Variants in DNAH6 observed in about 807,000 individuals in gnomAD.
DNAH6 encodes the protein dynein axonemal heavy chain 6.
DNAH6 carries 340 observed loss-of-function variants against 491.4 expected under a neutral mutation model. The observed-to-expected ratio is 0.69, with a 90% confidence interval of 0.63 to 0.76. DNAH6 has a LOEUF of 0.76. DNAH6 is among the 30% of genes least tolerant of loss of function. The pLI is 0.00. For missense variants in DNAH6, 4,443 were observed against 4,972.2 expected, an observed-to-expected ratio of 0.89 and a Z score of 3.20; for synonymous variants, 1,603 against 1,686.1, an observed-to-expected ratio of 0.95 and a Z score of 1.21.
intron 64 of DNAH6, among the ~76,000 whole-genome samples, chr2:84,768,351 TAGAG>T (rs968170758): frequency 1.8e-4 from 28 of 151,710 alleles, no homozygotes; most frequent in Admixed American, 5.3e-4. Flanking sequence ...ACTGATTAAA[TAGAG>T]AGAGTCTAAA....
chr2:84,525,611 A>G lies in DNAH6; in HGVS notation c.272A>G (p.His91Arg), dbSNP rs1373716762. The change falls in exon 3 of 77, where the codon CAT becomes CGT. Residue 91 changes from histidine (H) to arginine (R), a missense_variant. His to Arg is a conservative substitution (Grantham distance 29). Transcript: ENST00000389394. ...YQDHKQPEYI[H>R]EQNRFQLMTA... Reference sequence around the variant, plus strand: ...GATCATAAGCAGCCAGAATACATACATGAACAGAACCGATTTCAGTTAATG... The same window carrying G: ...GATCATAAGCAGCCAGAATACATACGTGAACAGAACCGATTTCAGTTAATG... The G allele has an allele frequency of 2.6e-6, 4 of 1,550,288 alleles. No homozygotes were observed. In the Admixed American group the frequency reaches 5.9e-5, roughly 23 times the overall value.
rs74514752 is a variant in DNAH6 at position 84,699,632 on chromosome 2, G to A, written c.7716G>A (p.Leu2572=). 14,056 of 1,551,732 alleles carry A rather than the reference G, an allele frequency of 9.1e-3. 86 individuals are homozygous for A. Among genetic ancestry groups the A allele is most frequent in the Non-Finnish European group, 9.7e-3 (11,172 of 1,146,930 alleles). The change falls in exon 48 of 77, where the codon CTG becomes CTA. Residue 2572 remains leucine (L), a synonymous_variant. Coordinates refer to ENST00000389394, the MANE Select transcript of DNAH6 (RefSeq NM_001370.2). ...TTATCAGCAAAGTGCGTCAGAAGCT[G>A]CACATTGTTCTCTGCATGAGCCCAG... is the stretch of plus-strand genomic sequence containing the variant. The part of the protein sequence containing the change: ...QYFISKVRQK[L]HIVLCMSPVG...
chr2:84,813,595 T>C (rs568283891), intron 74 of DNAH6, among the ~76,000 whole-genome samples: 2 of 152,288 alleles, frequency 1.3e-5, no homozygotes, highest in South Asian at 4.1e-4. Context: ...AAGCCCTTCA[T>C]CTCTCTCATT....
the DNAH6 span, among the ~76,000 whole-genome samples, chr2:84,478,967 G>T: frequency 6.6e-6 from 1 of 152,108 alleles, no homozygotes; most frequent in South Asian, 2.1e-4. Context: ...GCTGTCCCCA[G>T]TTGGACTCCT....
intron 70 of DNAH6, among the ~76,000 whole-genome samples, chr2:84,800,200 A>G (rs987077180): frequency 1.3e-5 from 2 of 152,232 alleles, no homozygotes; most frequent in Non-Finnish European, 2.9e-5. Flanking sequence ...TTGATTGTAC[A>G]CAACATACAC....
At chr2:84,663,804 C>T (rs1691786834) in intron 37 of DNAH6, among the ~76,000 whole-genome samples, 3 of 152,026 alleles carry the variant, frequency 2.0e-5, no homozygotes, top group African/African-American at 7.3e-5. Flanking sequence ...GTCAGATTCA[C>T]CAAAGTTAAA....
intron 23 of DNAH6, 130 bp downstream of exon 23, chr2:84,617,112 T>C: frequency 1.8e-6 from 1 of 564,002 alleles, no homozygotes; most frequent in East Asian, 3.5e-5. Flanking sequence ...ATAATGAAAA[T>C]CCAACTAGTT....
intron 54 of DNAH6, among the ~76,000 whole-genome samples, chr2:84,708,625 T>G (rs1696740773): frequency 1.0e-4 from 14 of 135,062 alleles, no homozygotes; most frequent in East Asian, 4.6e-4. Flanking sequence ...GAGAGGGAGA[T>G]AGAGGAGAGG....
chr2:84,743,038 A>G (rs1672660626), intron 62 of DNAH6, among the ~76,000 whole-genome samples: 1 of 152,178 alleles, frequency 6.6e-6, no homozygotes. Flanking sequence ...GTTATGCACC[A>G]GTTAAATGAG....
chr2:84,673,146 C>A (rs192836668), intron 40 of DNAH6, among the ~76,000 whole-genome samples: 1 of 152,142 alleles, frequency 6.6e-6, no homozygotes, highest in African/African-American at 2.4e-5. Context: ...GGCATGCATG[C>A]CAAAGCAGGG....
chr2:84,472,938 C>T, the DNAH6 span, among the ~76,000 whole-genome samples: 4 of 152,156 alleles, frequency 2.6e-5, no homozygotes, highest in Non-Finnish European at 4.4e-5. Context: ...TAGGCTGAAT[C>T]GGAAACAATG....
rs968157351 is a variant in DNAH6, at chr2:84,611,760, G to A, written c.3381G>A (p.Glu1127=). ...ACATTCAGAGGCAATTGCCTGCAGA[G>A]GCCAAGATGTTCCTTCAGGTGGATA... ...APDIQRQLPA[E]AKMFLQVDKS... Residue 1127 remains glutamate (E), a synonymous_variant, in exon 22 of 77, where the codon GAG becomes GAA. Transcript: ENST00000389394. 5.2e-6 allele frequency: 8 copies of A among 1,551,134 alleles called. No individual in the cohort carries two copies. In the Admixed American group the frequency reaches 5.9e-5, roughly 11 times the overall value.
chr2:84,460,991 C>T, the DNAH6 span, among the ~76,000 whole-genome samples: 1 of 152,074 alleles, frequency 6.6e-6, no homozygotes, highest in Non-Finnish European at 1.5e-5. Flanking sequence ...TATTGGAGGT[C>T]CGAAGAAACT....
chr2:84,654,772 T>G lies in DNAH6; in HGVS notation c.5747T>G (p.Ile1916Ser). 2.6e-6 allele frequency: 4 copies of G among 1,550,830 alleles called. No individual in the cohort carries two copies. The highest frequency in any genetic ancestry group is 4.9e-5 in the East Asian group (2 of 40,892). The stretch of plus-strand genomic sequence containing the variant: ...TATGTTAAAACTTGGATGAAGGGTA[T>G]TTCTAAAAAAGTAAGTGCCATCAGA... ...MPYVKTWMKG[I>S]SKKLTEETQE... Residue 1916 changes from isoleucine to serine, a missense_variant, in exon 35 of 77, where the codon ATT becomes AGT. Coordinates refer to ENST00000389394, the MANE Select transcript of DNAH6 (RefSeq NM_001370.2).
the DNAH6 span, among the ~76,000 whole-genome samples, chr2:84,508,543 A>G: frequency 4.5e-4 from 69 of 152,272 alleles, no homozygotes; most frequent in Non-Finnish European, 2.6e-4. Flanking sequence ...GATTTTTTGA[A>G]GGGTTTTTAT....
intron 38 of DNAH6, 38 bp downstream of exon 38, chr2:84,669,548 T>C (rs1336794228): frequency 2.0e-6 from 3 of 1,479,240 alleles, no homozygotes; most frequent in South Asian, 2.4e-5. Context: ...CCTCTCCAAA[T>C]GTGAGGGCAT....
chr2:84,742,151 A>G (rs368924305), intron 62 of DNAH6, among the ~76,000 whole-genome samples: 1 of 152,178 alleles, frequency 6.6e-6, no homozygotes, highest in East Asian at 1.9e-4. Flanking sequence ...ACCTGCATCT[A>G]GTCAGCCATC....
chr2:84,808,267 G>T, intron 71 of DNAH6, 148 bp from the exon 72 acceptor site: 3 of 839,052 alleles, frequency 3.6e-6, no homozygotes, highest in East Asian at 3.2e-5. Context: ...CTAAATTATA[G>T]AAACATCACA....
At chr2:84,633,633 T>G (rs1017082689) in intron 29 of DNAH6, among the ~76,000 whole-genome samples, 8 of 152,086 alleles carry the variant, frequency 5.3e-5, no homozygotes, top group African/African-American at 7.2e-5. Context: ...TCCCTCTGTT[T>G]TGGGGCTGCA....
Sources: gnomAD v4.1 joint callset for allele counts (sites outside exome capture counted in the v4.1 genomes callset) on GRCh38, gnomAD v4.1.1 for gene constraint, MANE v1.5 for transcripts, NCBI Gene and HGNC (gene_info 2026-07-23, HGNC 2026-07-21) for gene names.